The following ARPP21 variants were observed in gnomAD, a reference collection of about 807,000 sequenced individuals.
The protein encoded by ARPP21 is cAMP-regulated phosphoprotein 21.
Under a neutral mutation model 113.2 loss-of-function variants are expected in ARPP21, and 69 were observed. The observed-to-expected ratio is 0.61, with a 90% confidence interval of 0.50 to 0.74. The LOEUF (loss-of-function observed/expected upper bound fraction) is 0.74, where lower values mean the gene tolerates loss of function less well. ARPP21 is among the 30% of genes least tolerant of loss of function. ARPP21 has a pLI of 0.00. For synonymous variants in ARPP21, 368 were observed against 375.5 expected, an observed-to-expected ratio of 0.98 and a Z score of 0.23; for missense variants, 1,070 against 1,037.4, an observed-to-expected ratio of 1.03 and a Z score of -0.43.
intron 5 of ARPP21, among the ~76,000 whole-genome samples, chr3:35,686,849 A>G (rs879115182): frequency 6.6e-6 from 1 of 151,534 alleles, no homozygotes; most frequent in Admixed American, 6.6e-5. Flanking sequence ...CAAAACAGTG[A>G]ACATACTATC....
chr3:35,737,650 A>G (rs2094438083), intron 16 of ARPP21, among the ~76,000 whole-genome samples: 1 of 152,176 alleles, frequency 6.6e-6, no homozygotes, highest in Non-Finnish European at 1.5e-5. Context: ...TGTATGGAGG[A>G]GGCTCTCTCA....
intron 9 of ARPP21, among the ~76,000 whole-genome samples, chr3:35,695,508 A>C (rs1046070331): frequency 1.3e-5 from 2 of 151,532 alleles, no homozygotes; most frequent in Non-Finnish European, 3.0e-5. Context: ...TGAAAAATGT[A>C]GTGCAACTCT....
chr3:35,793,144 T>G (rs1045960217), intron 20 of ARPP21, among the ~76,000 whole-genome samples: 1 of 152,218 alleles, frequency 6.6e-6, no homozygotes, highest in Non-Finnish European at 1.5e-5. Context: ...AAAGGACCTA[T>G]TCTAGGGCCC....
intron 19 of ARPP21, among the ~76,000 whole-genome samples, chr3:35,790,575 G>A (rs1187563208): frequency 6.6e-6 from 1 of 152,206 alleles, no homozygotes; most frequent in Non-Finnish European, 1.5e-5. Flanking sequence ...AGTAGAAGTA[G>A]TGAAAATGGT....
intron 11 of ARPP21, among the ~76,000 whole-genome samples, chr3:35,712,516 G>C (rs1331152932): frequency 2.6e-5 from 1 of 38,746 alleles, no homozygotes; most frequent in Admixed American, 2.6e-4. Flanking sequence ...TAAGGTGTCT[G>C]TGTGTGTGTG....
At chr3:35,693,208 G>A (rs190072759) in intron 9 of ARPP21, among the ~76,000 whole-genome samples, 15 of 151,664 alleles carry the variant, frequency 9.9e-5, no homozygotes, top group African/African-American at 3.4e-4. Context: ...CTTACACACC[G>A]CCATTTAGAC....
intron 14 of ARPP21, among the ~76,000 whole-genome samples, chr3:35,726,655 C>T (rs2093562339): frequency 6.6e-6 from 1 of 152,100 alleles, no homozygotes; most frequent in Non-Finnish European, 1.5e-5. Context: ...CCTTCTAAAA[C>T]CAAAATTAAA....
chr3:35,726,482 T>C (rs1211910267), intron 14 of ARPP21, among the ~76,000 whole-genome samples: 1 of 152,280 alleles, frequency 6.6e-6, no homozygotes, highest in Non-Finnish European at 1.5e-5. Context: ...TTTTCATCTT[T>C]GCATGTGCAG....
intron 15 of ARPP21, 85 bp from the exon 16 acceptor site, chr3:35,737,093 C>A (rs2094403040): frequency 1.3e-6 from 1 of 797,784 alleles, no homozygotes; most frequent in Non-Finnish European, 2.1e-6. Flanking sequence ...CTTTAGGTTA[C>A]TTTTTGAGTA....
chr3:35,662,811 T>TA (rs1424142604), intron 1 of ARPP21, among the ~76,000 whole-genome samples: 2 of 151,576 alleles, frequency 1.3e-5, no homozygotes, highest in South Asian at 2.1e-4. Context: ...ACCAGAAGGG[T>TA]AAAAAAAATT....
Position 35,681,892 on chromosome 3 carries a change from T to G in ARPP21, c.129+12T>G. ...AACTGGAACTGCAGGTGAGTGAGCA[T>G]GAAGAGACCCTGACTCTCATACAAC... On this transcript the variant is annotated intron_variant, in intron 3 of 20. Transcript: ENST00000684406. 1.2e-6 allele frequency: 2 copies of G among 1,611,402 alleles called. No individual in the cohort carries two copies. The highest frequency in any genetic ancestry group is 1.7e-6 in the Non-Finnish European group (2 of 1,178,388).
chr3:35,668,960 C>T (rs2075649546), intron 1 of ARPP21, among the ~76,000 whole-genome samples: 1 of 152,088 alleles, frequency 6.6e-6, no homozygotes, highest in Admixed American at 6.6e-5. Flanking sequence ...TAATTATGAA[C>T]AGTCCTCTCT....
intron 14 of ARPP21, among the ~76,000 whole-genome samples, chr3:35,728,860 T>G (rs1159627993): frequency 6.6e-6 from 1 of 152,180 alleles, no homozygotes; most frequent in Non-Finnish European, 1.5e-5. Context: ...GCACATGAAC[T>G]TCACATCATA....
chr3:35,684,863 CTT>C (rs2080085354), intron 5 of ARPP21: 10 of 984,622 alleles, frequency 1.0e-5, no homozygotes, highest in Non-Finnish European at 1.2e-5. Context: ...GACAGGCTAT[CTT>C]TCAGTGGCCA....
chr3:35,789,402 T>C (rs2096700621), intron 19 of ARPP21, among the ~76,000 whole-genome samples: 1 of 152,216 alleles, frequency 6.6e-6, no homozygotes, highest in Non-Finnish European at 1.5e-5. Context: ...TTTAAAGAAA[T>C]GAGTAGCCCC....
At chr3:35,760,979 T>C (rs1245936053) in intron 19 of ARPP21, among the ~76,000 whole-genome samples, 1 of 152,094 alleles carries the variant, frequency 6.6e-6, no homozygotes, top group Non-Finnish European at 1.5e-5. Context: ...GCACTTTTTT[T>C]CCCTGACTGT....
chr3:35,780,977 G>C (rs2096512736), intron 19 of ARPP21, among the ~76,000 whole-genome samples: 1 of 152,076 alleles, frequency 6.6e-6, no homozygotes, highest in African/African-American at 2.4e-5. Context: ...GGCTGGGTGT[G>C]AATGGGCCTA....
intron 16 of ARPP21, 100 bp from the exon 17 acceptor site, chr3:35,738,114 C>T: frequency 1.4e-6 from 1 of 720,440 alleles, no homozygotes. Flanking sequence ...CTCTGGAGTG[C>T]ACTGAACCTA....
At position 35,721,807 on chromosome 3, in the gene ARPP21, AGGAGTACCG is replaced by A. The variant is rs2093096482; in HGVS notation, c.1202_1210del (p.Ser401_Gly403del). ...CAGGGGTGACAGCACTTCCAGTACT[AGGAGTACCG>A]GGAAGCTGTCCAAAGCAGGTAGTTA... On this transcript the variant is annotated inframe_deletion, in exon 14 of 21. Coordinates refer to ENST00000684406, the MANE Select transcript of ARPP21 (RefSeq NM_001385562.1). 1 of 1,610,980 alleles carries A rather than the reference AGGAGTACCG, an allele frequency of 6.2e-7. No individual in the cohort carries two copies. The highest frequency in any genetic ancestry group is 1.3e-5 in the African/African-American group (1 of 74,996).
Sources: gnomAD v4.1 joint callset for allele counts (sites outside exome capture counted in the v4.1 genomes callset) on GRCh38, gnomAD v4.1.1 for gene constraint, MANE v1.5 for transcripts, NCBI Gene and HGNC (gene_info 2026-07-23, HGNC 2026-07-21) for gene names.